Variants in SLC61A1 observed in about 807,000 individuals in gnomAD.
SLC61A1 encodes the protein solute carrier family 61 member 1.
At chr12:53,253,048 C>G in the SLC61A1 span, 2 of 1,614,254 alleles carry the variant, frequency 1.2e-6, no homozygotes, top group Non-Finnish European at 1.7e-6. Flanking sequence ...AGCATTACTA[C>G]TTCCTGGAAG....
At chr12:53,251,654 G>A in the SLC61A1 span, 1 of 1,419,140 alleles carries the variant, frequency 7.0e-7, no homozygotes, top group Non-Finnish European at 9.3e-7. Context: ...CTGCGCCTTA[G>A]TCTGTCTGCA....
the SLC61A1 span, chr12:53,252,514 T>C: frequency 3.7e-6 from 5 of 1,354,022 alleles, no homozygotes; most frequent in South Asian, 8.9e-5. Context: ...GGAGCTGCTG[T>C]GGGAAAGGGC....
At chr12:53,252,077 T>C in the SLC61A1 span, 1 of 1,463,344 alleles carries the variant, frequency 6.8e-7, no homozygotes, top group South Asian at 1.4e-5. Flanking sequence ...GGCGGGGTTT[T>C]GGCGCCGCGC....
chr12:53,254,089 G>T, the SLC61A1 span: 1 of 1,614,206 alleles, frequency 6.2e-7, no homozygotes. Flanking sequence ...TCATGGTGAT[G>T]GCTCTGCTGG....
At chr12:53,252,837 T>C in the SLC61A1 span, 1 of 1,613,790 alleles carries the variant, frequency 6.2e-7, no homozygotes, top group Non-Finnish European at 8.5e-7. Flanking sequence ...GGGCCCACCA[T>C]GCTGGTGACT....
the SLC61A1 span, chr12:53,252,143 G>C: frequency 4.2e-6 from 6 of 1,438,686 alleles, no homozygotes; most frequent in East Asian, 1.5e-4. Flanking sequence ...CCGGCTCCCG[G>C]AAGCAGGCTG....
At chr12:53,251,925 A>T in the SLC61A1 span, 4 of 1,537,248 alleles carry the variant, frequency 2.6e-6, no homozygotes, top group Non-Finnish European at 3.5e-6. Flanking sequence ...GAGCCAGAGG[A>T]GCAGGTGTCA....
chr12:53,252,435 G>A, the SLC61A1 span: 1 of 1,292,666 alleles, frequency 7.7e-7, no homozygotes, highest in Non-Finnish European at 9.8e-7. Context: ...GCCCGGGACA[G>A]AGGATGAGAC....
chr12:53,253,507 G>C, the SLC61A1 span: 2 of 1,614,076 alleles, frequency 1.2e-6, no homozygotes, highest in Non-Finnish European at 1.7e-6. Flanking sequence ...ACTGGGGGGA[G>C]AACTATGACC....
chr12:53,254,202 C>T, the SLC61A1 span: 10 of 1,609,576 alleles, frequency 6.2e-6, no homozygotes, highest in Admixed American at 1.7e-5. Flanking sequence ...CACTCCAGGA[C>T]AAGATAGCTG....
chr12:53,253,233 G>C, the SLC61A1 span: 8 of 1,614,124 alleles, frequency 5.0e-6, no homozygotes, highest in East Asian at 1.6e-4. Context: ...CTGCTAGTGG[G>C]GCGAGCACTT....
chr12:53,252,893 G>A, the SLC61A1 span: 1 of 1,614,128 alleles, frequency 6.2e-7, no homozygotes, highest in African/African-American at 1.3e-5. Context: ...CCTGGGGCTG[G>A]AACTGTCAAG....
At chr12:53,253,928 C>A in the SLC61A1 span, 1 of 1,614,072 alleles carries the variant, frequency 6.2e-7, no homozygotes, top group Non-Finnish European at 8.5e-7. Flanking sequence ...GAGCTTCCTA[C>A]GGAGAAAGGT....
the SLC61A1 span, chr12:53,254,128 G>A: frequency 5.0e-6 from 8 of 1,614,180 alleles, no homozygotes; most frequent in African/African-American, 1.3e-5. Flanking sequence ...CCGTGGTAAG[G>A]CATGATGCTG....
chr12:53,253,565 C>A, the SLC61A1 span: 1 of 1,614,046 alleles, frequency 6.2e-7, no homozygotes, highest in Non-Finnish European at 8.5e-7. Context: ...GCGCTGCCTC[C>A]TGTCGGACCG....
At chr12:53,251,598 T>C in the SLC61A1 span, 3 of 877,918 alleles carry the variant, frequency 3.4e-6, no homozygotes, top group Admixed American at 3.0e-5. Context: ...TGGGAAGTTA[T>C]GCGGCTTGCC....
At chr12:53,252,051 C>A in the SLC61A1 span, 1 of 161,372 alleles carries the variant, frequency 6.2e-6, no homozygotes, top group Non-Finnish European at 9.2e-6. Context: ...GGAAGGAGGG[C>A]GGGCGGGCGG....
chr12:53,251,985 T>C, the SLC61A1 span: 27 of 1,535,958 alleles, frequency 1.8e-5, no homozygotes, highest in South Asian at 2.4e-4. Flanking sequence ...CGCAGCCTCC[T>C]ATGGTCGCCC....
At chr12:53,253,943 C>A in the SLC61A1 span, 1 of 1,614,182 alleles carries the variant, frequency 6.2e-7, no homozygotes. Flanking sequence ...AAAGGTGATC[C>A]CTGAGACAGA....
Sources: gnomAD v4.1 joint callset for allele counts on GRCh38, gnomAD v4.1.1 for gene constraint, MANE v1.5 for transcripts, NCBI Gene and HGNC (gene_info 2026-07-23, HGNC 2026-07-21) for gene names.